TSPEAR: variants seen among roughly 807,000 people sequenced by gnomAD.
The protein encoded by TSPEAR is thrombospondin type laminin G domain and EAR repeats.
A neutral mutation model predicts 71.6 loss-of-function variants in TSPEAR; 69 were observed. The observed-to-expected ratio is 0.96, with a 90% CI of 0.79 to 1.18. TSPEAR has a LOEUF of 1.18. Among genes scored for constraint, TSPEAR ranks in the 50% most tolerant of loss-of-function variants. The pLI, the probability that TSPEAR is intolerant of heterozygous loss-of-function variation, is 0.00. For missense variants in TSPEAR, 971 were observed against 894.9 expected (o/e 1.09, Z -1.09); for synonymous variants, 402 against 387.2 (o/e 1.04, Z -0.45).
At position 44,499,445 on chromosome 21, in the gene TSPEAR, A is replaced by G. The variant is rs972874151; in HGVS notation, c.*338T>C. The G allele has an allele frequency of 1.1e-4, 30 of 275,132 alleles. No homozygotes were observed. The highest frequency in any genetic ancestry group is 5.0e-4 in the African/African-American group (22 of 43,886). 17.0% of individuals were successfully genotyped at this position (275,132 alleles called of 1,614,324 possible). ...CTGGCGAGAGGCCAGCCGCAGGGACATGAACCGAGGTCCTGTTGTTTGAGG... is the reference window on the plus strand; with the variant it reads ...CTGGCGAGAGGCCAGCCGCAGGGACGTGAACCGAGGTCCTGTTGTTTGAGG... On this transcript the variant is annotated 3_prime_UTR_variant, in exon 12 of 12. Coordinates refer to ENST00000323084, the MANE Select transcript of TSPEAR (RefSeq NM_144991.3).
At chr21:44,654,638 G>A (rs782603859) in intron 1 of TSPEAR, 5 of 1,483,280 alleles carry the variant, frequency 3.4e-6, no homozygotes, top group Admixed American at 4.1e-5. Flanking sequence ...CAGGTGGGGG[G>A]CGCAGAGGAC....
chr21:44,528,862 A>G (rs1555915313), intron 5 of TSPEAR, among the ~76,000 whole-genome samples: 1 of 152,206 alleles, frequency 6.6e-6, no homozygotes, highest in Non-Finnish European at 1.5e-5. Context: ...TGAGGCAGAA[A>G]AGGCCTGCTC....
chr21:44,531,613 C>A (rs587612690), intron 3 of TSPEAR, among the ~76,000 whole-genome samples: 3 of 152,286 alleles, frequency 2.0e-5, no homozygotes, highest in South Asian at 4.1e-4. Context: ...GGGCCTCCTG[C>A]AGAAGTGCGT....
At chr21:44,524,195 T>G (rs2052798848) in intron 8 of TSPEAR, among the ~76,000 whole-genome samples, 1 of 151,288 alleles carries the variant, frequency 6.6e-6, no homozygotes, top group South Asian at 2.1e-4. Context: ...AGTCAGGTAG[T>G]TAGGCAGGTA....
chr21:44,609,302 C>T (rs185537545), intron 1 of TSPEAR, among the ~76,000 whole-genome samples: 50 of 152,312 alleles, frequency 3.3e-4, no homozygotes, highest in African/African-American at 8.7e-4. Context: ...TCCAGCTAAG[C>T]TATCAATCAA....
intron 1 of TSPEAR, among the ~76,000 whole-genome samples, chr21:44,594,730 T>A (rs466628): frequency 0.11 from 16,672 of 152,024 alleles, 1,528 homozygotes; most frequent in African/African-American, 0.24. Flanking sequence ...CCAGAGGCTG[T>A]GCTTCCCGGC....
At chr21:44,603,239 T>A (rs1555929295) in intron 1 of TSPEAR, among the ~76,000 whole-genome samples, 1 of 151,938 alleles carries the variant, frequency 6.6e-6, no homozygotes, top group Non-Finnish European at 1.5e-5. Context: ...ATGTCCCACC[T>A]GGCACTCCTC....
At chr21:44,636,892 C>T (rs1187617932) in intron 1 of TSPEAR, among the ~76,000 whole-genome samples, 1 of 152,096 alleles carries the variant, frequency 6.6e-6, no homozygotes, top group African/African-American at 2.4e-5. Flanking sequence ...CCTTGGCAGA[C>T]ATCAGGATCT....
intron 1 of TSPEAR, among the ~76,000 whole-genome samples, chr21:44,684,800 C>A (rs1171090766): frequency 1.3e-5 from 2 of 152,234 alleles, no homozygotes; most frequent in Non-Finnish European, 2.9e-5. Flanking sequence ...AGGTAAATAT[C>A]AAAGATGCAT....
At chr21:44,629,663 C>T (rs1416360155) in intron 1 of TSPEAR, among the ~76,000 whole-genome samples, 3 of 152,220 alleles carry the variant, frequency 2.0e-5, no homozygotes, top group African/African-American at 7.2e-5. Context: ...GGCAGACGCT[C>T]CCTGTCCATA....
chr21:44,578,867 G>A (rs1204513297), intron 1 of TSPEAR, among the ~76,000 whole-genome samples: 4 of 152,206 alleles, frequency 2.6e-5, no homozygotes, highest in Non-Finnish European at 5.9e-5. Context: ...GCACGGTCCT[G>A]CAGGTGCGGA....
At chr21:44,523,813 CAGTCAGTT>C (rs1361495682) in intron 8 of TSPEAR, among the ~76,000 whole-genome samples, 22 of 150,608 alleles carry the variant, frequency 1.5e-4, no homozygotes, top group African/African-American at 5.2e-4. Context: ...GTCAGTCAGT[CAGTCAGTT>C]AGTCAGGTAA....
intron 1 of TSPEAR, among the ~76,000 whole-genome samples, chr21:44,678,696 G>C (rs1158203502): frequency 6.6e-6 from 1 of 152,064 alleles, no homozygotes; most frequent in Non-Finnish European, 1.5e-5. Flanking sequence ...GTCCCTCTTT[G>C]CACATGACAT....
chr21:44,658,126 C>T, intron 1 of TSPEAR: 1 of 1,613,840 alleles, frequency 6.2e-7, no homozygotes, highest in Non-Finnish European at 8.5e-7. Context: ...TGGCTCCCTC[C>T]TGCCAGCCCT....
intron 1 of TSPEAR, chr21:44,702,745 G>C: frequency 7.1e-7 from 1 of 1,405,430 alleles, no homozygotes; most frequent in Non-Finnish European, 1.0e-6. Context: ...CTGCCGCCGT[G>C]TGTGCTCCCA....
chr21:44,577,497 GAC>G (rs1218133333), intron 1 of TSPEAR, among the ~76,000 whole-genome samples: 67 of 152,326 alleles, frequency 4.4e-4, no homozygotes, highest in African/African-American at 1.5e-3. Context: ...GAGCAAGAGA[GAC>G]AGAGAGGAGG....
chr21:44,702,130 A>C, intron 1 of TSPEAR: 1 of 1,177,638 alleles, frequency 8.5e-7, no homozygotes, highest in Non-Finnish European at 1.2e-6. Flanking sequence ...CAGCGTCCAC[A>C]TGAGCACAGG....
chr21:44,631,101 A>C (rs1412967893), intron 1 of TSPEAR, among the ~76,000 whole-genome samples: 11 of 152,010 alleles, frequency 7.2e-5, no homozygotes, highest in Admixed American at 7.2e-4. Context: ...CCAAGTAGTG[A>C]AAAATGTCCT....
chr21:44,589,444 G>T (rs915439472), intron 1 of TSPEAR, among the ~76,000 whole-genome samples: 1 of 152,218 alleles, frequency 6.6e-6, no homozygotes, highest in African/African-American at 2.4e-5. Context: ...CAGTCATGCT[G>T]TGTACATGGG....
Sources: allele counts gnomAD v4.1 joint callset (sites outside exome capture counted in the v4.1 genomes callset), GRCh38; gene constraint gnomAD v4.1.1; transcripts MANE v1.5; gene names NCBI Gene and HGNC (gene_info 2026-07-23, HGNC 2026-07-21).